PPP2R5C: variants seen among roughly 807,000 people sequenced by gnomAD.
The protein encoded by PPP2R5C is serine/threonine-protein phosphatase 2A 56 kDa regulatory subunit gamma isoform.
A neutral mutation model predicts 68.9 loss-of-function variants in PPP2R5C; 7 were observed. The observed-to-expected ratio is 0.10, with a 90% CI of 0.06 to 0.19. PPP2R5C has a LOEUF of 0.19. PPP2R5C is among the 10% of genes least tolerant of loss of function. The probability of loss-of-function intolerance (pLI) is 1.00; values close to 1 mark genes in which losing one functional copy is unlikely to be tolerated. For missense variants in PPP2R5C, 348 were observed against 641.3 expected, an observed-to-expected ratio of 0.54 and a Z score of 4.94; for synonymous variants, 210 against 222.2, an observed-to-expected ratio of 0.95 and a Z score of 0.49.
chr14:101,819,782 G>A (rs2039937337), intron 1 of PPP2R5C: 1 of 152,282 alleles, frequency 6.6e-6, no homozygotes, highest in Admixed American at 6.6e-5. Flanking sequence ...CACCCAGCGT[G>A]GTTTTTTGTT....
chr14:101,878,076 G>A (rs1358383982), intron 2 of PPP2R5C, among the ~76,000 whole-genome samples: 4 of 152,212 alleles, frequency 2.6e-5, no homozygotes, highest in African/African-American at 7.2e-5. Flanking sequence ...GCTTGCAGAC[G>A]GCCACTGTGC....
intron 13 of PPP2R5C, among the ~76,000 whole-genome samples, chr14:101,924,422 T>C (rs2047174546): frequency 6.7e-6 from 1 of 149,398 alleles, no homozygotes; most frequent in Admixed American, 6.7e-5. Context: ...TCTTTTTCTT[T>C]ACCTCCAAGG....
intron 13 of PPP2R5C, chr14:101,922,100 CAGG>C: frequency 1.0e-6 from 1 of 985,288 alleles, no homozygotes; most frequent in Non-Finnish European, 1.2e-6. Flanking sequence ...GCCTGTTCTC[CAGG>C]AGAAGAATTG....
chr14:101,784,702 G>A (rs192180807), intron 2 of PPP2R5C, among the ~76,000 whole-genome samples: 6 of 152,222 alleles, frequency 3.9e-5, no homozygotes, highest in Non-Finnish European at 8.8e-5. Context: ...GTCTCAGAGA[G>A]TGACAGCCTT....
chr14:101,768,114 G>A (rs1422535670), intron 2 of PPP2R5C, among the ~76,000 whole-genome samples: 1 of 152,162 alleles, frequency 6.6e-6, no homozygotes, highest in Non-Finnish European at 1.5e-5. Context: ...GGATGCCAGT[G>A]GCCCACTGCC....
intron 2 of PPP2R5C, among the ~76,000 whole-genome samples, chr14:101,872,358 T>C (rs985025888): frequency 3.3e-5 from 5 of 150,594 alleles, no homozygotes; most frequent in Non-Finnish European, 5.9e-5. Context: ...ACCCCAACTC[T>C]GCCCCAGTAG....
At chr14:101,919,969 C>CCAAAAAAA (rs775818748) in intron 13 of PPP2R5C, among the ~76,000 whole-genome samples, 3 of 52,882 alleles carry the variant, frequency 5.7e-5, no homozygotes, top group African/African-American at 1.8e-4. Context: ...AACTCCGTCT[C>CCAAAAAAA]AAAAAAAAAA....
chr14:101,919,969 C>CCAAAAAAAAAAAAAAAAA (rs775818748), intron 13 of PPP2R5C, among the ~76,000 whole-genome samples: 14 of 52,866 alleles, frequency 2.6e-4, no homozygotes, highest in East Asian at 1.2e-3. Flanking sequence ...AACTCCGTCT[C>CCAAAAAAAAAAAAAAAAA]AAAAAAAAAA....
In PPP2R5C at chr14:101,906,766, C is replaced by G; in HGVS notation, c.1151+237C>G. The G allele has an allele frequency of 2.1e-6, 1 of 466,336 alleles. No homozygotes were observed. The highest frequency in any genetic ancestry group is 3.8e-6 in the Non-Finnish European group (1 of 266,656). The allele number at this position is 466,336 out of a possible 1,614,324, so 28.9% of individuals were successfully genotyped here. ...AGGCACATTGGTTTGCAGCCACCTC[C>G]CAGTAGCAGCAGTTTCTAGGCCTCT... On this transcript the variant is annotated intron_variant, in intron 10 of 13. Transcript: ENST00000334743. This position sits in a 1 kb window ranked among gnomAD's most constrained non-coding sequence, Gnocchi z 4.0.
At chr14:101,843,884 T>C (rs187369856) in intron 1 of PPP2R5C, 1 of 175,928 alleles carries the variant, frequency 5.7e-6, no homozygotes, top group East Asian at 1.6e-4. Flanking sequence ...CATCCATTGA[T>C]ACACACGGGC....
intron 2 of PPP2R5C, among the ~76,000 whole-genome samples, chr14:101,881,215 C>G (rs1014030062): frequency 6.6e-6 from 1 of 151,908 alleles, no homozygotes; most frequent in East Asian, 1.9e-4. Flanking sequence ...ATGGTGAAAC[C>G]GTGGTGAAAT....
intron 1 of PPP2R5C, chr14:101,820,088 A>G (rs959457269): frequency 3.9e-5 from 6 of 152,220 alleles, no homozygotes; most frequent in African/African-American, 1.4e-4. Flanking sequence ...AGTAATGTAA[A>G]ATCATTTTTA....
At chr14:101,876,578 T>C (rs983875584) in intron 2 of PPP2R5C, among the ~76,000 whole-genome samples, 1 of 152,220 alleles carries the variant, frequency 6.6e-6, no homozygotes, top group African/African-American at 2.4e-5. Flanking sequence ...TAAAGTTGCT[T>C]CTTGGGCCAT....
At chr14:101,785,619 C>A (rs2038056161) in intron 2 of PPP2R5C, among the ~76,000 whole-genome samples, 1 of 152,192 alleles carries the variant, frequency 6.6e-6, no homozygotes, top group Non-Finnish European at 1.5e-5. Flanking sequence ...CCTGGATGAT[C>A]CAGAATCATC....
chr14:101,791,201 A>G (rs1444327393), intron 3 of PPP2R5C, among the ~76,000 whole-genome samples: 1 of 152,228 alleles, frequency 6.6e-6, no homozygotes, highest in Non-Finnish European at 1.5e-5. Context: ...ATTCTTGCCA[A>G]TATCTATTAT....
exon 14 of PPP2R5C, chr14:101,925,292 G>A (rs2047238892): frequency 6.2e-7 from 1 of 1,610,358 alleles, no homozygotes; most frequent in Non-Finnish European, 8.5e-7. Context: ...CGCCGCGTCG[G>A]GGCCGGGCCC....
chr14:101,810,334 C>A, intron 1 of PPP2R5C: 1 of 311,018 alleles, frequency 3.2e-6, no homozygotes, highest in South Asian at 4.0e-5. Context: ...TGTGAAGTCA[C>A]TGCCCAGGGA....
chr14:101,902,585 C>T (rs2045755699), intron 9 of PPP2R5C, among the ~76,000 whole-genome samples: 1 of 152,182 alleles, frequency 6.6e-6, no homozygotes, highest in African/African-American at 2.4e-5. Context: ...CAAGACCTCC[C>T]GGTGCCCAGG....
chr14:101,896,288 A>G (rs1401032624), intron 8 of PPP2R5C, among the ~76,000 whole-genome samples: 2 of 151,794 alleles, frequency 1.3e-5, no homozygotes, highest in Non-Finnish European at 1.5e-5. Context: ...CCAAAGTGCT[A>G]GGATAACAGG....
Sources: gnomAD v4.1 joint callset for allele counts (sites outside exome capture counted in the v4.1 genomes callset) on GRCh38, gnomAD v4.1.1 for gene constraint, Gnocchi (gnomAD v3.1) non-coding constraint, MANE v1.5 for transcripts, NCBI Gene and HGNC (gene_info 2026-07-23, HGNC 2026-07-21) for gene names.